The following TMPRSS4 variants were observed in gnomAD, a reference collection of about 807,000 sequenced individuals.
TMPRSS4 encodes the protein transmembrane protease serine 4.
Under a neutral mutation model 56.4 loss-of-function variants are expected in TMPRSS4, and 45 were observed. That is an observed-to-expected ratio of 0.80 (90% CI 0.63 to 1.02). The LOEUF (loss-of-function observed/expected upper bound fraction) is 1.02, where lower values mean the gene tolerates loss of function less well. TMPRSS4 is among the 50% of genes least tolerant of loss of function. The pLI, the probability that TMPRSS4 is intolerant of heterozygous loss-of-function variation, is 0.00. For synonymous variants in TMPRSS4, 205 were observed against 211.0 expected, an observed-to-expected ratio of 0.97 and a Z score of 0.25; for missense variants, 546 against 556.7, an observed-to-expected ratio of 0.98 and a Z score of 0.19.
intron 1 of TMPRSS4, among the ~76,000 whole-genome samples, chr11:118,093,205 C>T (rs1315176644): frequency 1.3e-5 from 2 of 152,184 alleles, no homozygotes; most frequent in Non-Finnish European, 2.9e-5. Context: ...CTGTGTCCAC[C>T]GTGCTTAGCC....
intron 3 of TMPRSS4, among the ~76,000 whole-genome samples, chr11:118,099,899 T>G (rs563744981): frequency 6.6e-6 from 1 of 152,194 alleles, no homozygotes; most frequent in Non-Finnish European, 1.5e-5. Flanking sequence ...CAGGCCCTTA[T>G]CTGTGATAAA....
intron 1 of TMPRSS4, among the ~76,000 whole-genome samples, chr11:118,084,715 T>C (rs905495884): frequency 6.6e-6 from 1 of 152,234 alleles, no homozygotes; most frequent in Non-Finnish European, 1.5e-5. Flanking sequence ...TCCTCTATGT[T>C]TCAAGCACCA....
chr11:118,117,756 G>C, intron 12 of TMPRSS4, 146 bp from the exon 13 acceptor site: 1 of 1,538,928 alleles, frequency 6.5e-7, no homozygotes, highest in Non-Finnish European at 8.7e-7. Context: ...GAAGAGAGTG[G>C]AAAGGCTCAT....
intron 1 of TMPRSS4, among the ~76,000 whole-genome samples, chr11:118,088,869 C>T (rs1378707090): frequency 6.6e-6 from 1 of 152,224 alleles, no homozygotes; most frequent in African/African-American, 2.4e-5. Flanking sequence ...CAGGTTAAGA[C>T]AATTCTATCC....
intron 7 of TMPRSS4, among the ~76,000 whole-genome samples, chr11:118,110,563 G>A (rs1057332319): frequency 6.6e-6 from 1 of 152,128 alleles, no homozygotes; most frequent in African/African-American, 2.4e-5. Context: ...AGTAGAGACG[G>A]CGTTTCACCA....
chr11:118,083,521 C>G (rs960506348), intron 1 of TMPRSS4, among the ~76,000 whole-genome samples: 1 of 152,158 alleles, frequency 6.6e-6, no homozygotes, highest in Non-Finnish European at 1.5e-5. Context: ...ATGACAGGCC[C>G]TCTATGAAGC....
chr11:118,093,823 C>CCA (rs901171974), intron 1 of TMPRSS4, among the ~76,000 whole-genome samples: 1 of 151,266 alleles, frequency 6.6e-6, no homozygotes, highest in African/African-American at 2.4e-5. Context: ...TAACTGCCCC[C>CCA]CCCAATGGTA....
At position 118,103,121 on chromosome 11, in the gene TMPRSS4, T is replaced by C. The variant is rs779459746; in HGVS notation, c.178T>C (p.Tyr60His). 3.1e-6 allele frequency: 5 copies of C among 1,614,178 alleles called. No homozygotes were observed. The South Asian group carries it at 5.5e-5, about 18-fold the overall frequency. The change falls in exon 4 of 13, where the codon TAC (tyrosine) becomes CAC (histidine). Residue 60 changes from tyrosine (Y) to histidine (H), a missense_variant. Tyr to His is a moderately conservative substitution (Grantham distance 83). Coordinates refer to ENST00000437212, the MANE Select transcript of TMPRSS4 (RefSeq NM_019894.4). ...TCCAGTCAAGGTGATTCTGGATAAA[T>C]ACTACTTCCTCTGCGGGCAGCCTCT... ...VVLIKVILDK[Y>H]YFLCGQPLHF...
intron 1 of TMPRSS4, among the ~76,000 whole-genome samples, chr11:118,090,988 T>C (rs974239605): frequency 6.6e-6 from 1 of 152,070 alleles, no homozygotes; most frequent in African/African-American, 2.4e-5. Flanking sequence ...AAATTAACAA[T>C]AAACAAAAGA....
At chr11:118,082,679 GACTAA>G (rs1261485347) in intron 1 of TMPRSS4, among the ~76,000 whole-genome samples, 2 of 152,064 alleles carry the variant, frequency 1.3e-5, no homozygotes, top group African/African-American at 2.4e-5. Context: ...CTTTCAAGAA[GACTAA>G]ACTAAAGTTT....
intron 3 of TMPRSS4, among the ~76,000 whole-genome samples, chr11:118,100,088 G>A (rs539014501): frequency 6.6e-6 from 1 of 152,188 alleles, no homozygotes; most frequent in Admixed American, 6.5e-5. Flanking sequence ...AGGGATTCTG[G>A]CTCTGCCTCT....
At chr11:118,097,239 G>A (rs1946453358) in intron 2 of TMPRSS4, among the ~76,000 whole-genome samples, 1 of 152,152 alleles carries the variant, frequency 6.6e-6, no homozygotes, top group Non-Finnish European at 1.5e-5. Flanking sequence ...ATTTCATGGA[G>A]GGGCGGGAGG....
chr11:118,113,089 A>G (rs1947360810), intron 8 of TMPRSS4, among the ~76,000 whole-genome samples, 180 bp from the exon 9 acceptor site: 1 of 151,772 alleles, frequency 6.6e-6, no homozygotes, highest in African/African-American at 2.4e-5. Flanking sequence ...CCTTTTTCGA[A>G]TTTGACTTCT....
At position 118,117,999 on chromosome 11, in the gene TMPRSS4, A is replaced by G; in HGVS notation, c.*86A>G. ...CCCCCAAAGTCAGACACAGAGCAAGAGTCCCCTTGGGTACACCCCTCTGCC... is the reference window on the plus strand; with the variant it reads ...CCCCCAAAGTCAGACACAGAGCAAGGGTCCCCTTGGGTACACCCCTCTGCC... On this transcript the variant is annotated 3_prime_UTR_variant, in exon 13 of 13. Coordinates refer to ENST00000437212, the MANE Select transcript of TMPRSS4 (RefSeq NM_019894.4). The G allele has an allele frequency of 6.2e-7, 1 of 1,609,290 alleles. No individual in the cohort carries two copies. The highest frequency in any genetic ancestry group is 8.5e-7 in the Non-Finnish European group (1 of 1,179,422).
At chr11:118,091,749 C>G (rs1945980987) in intron 1 of TMPRSS4, among the ~76,000 whole-genome samples, 1 of 152,276 alleles carries the variant, frequency 6.6e-6, no homozygotes, top group East Asian at 1.9e-4. Flanking sequence ...CTTGACTAGA[C>G]AAGAGTTAGA....
chr11:118,091,193 T>C (rs651474), intron 1 of TMPRSS4, among the ~76,000 whole-genome samples: 61,421 of 151,886 alleles, frequency 0.4, 12,456 homozygotes, highest in Middle Eastern at 0.5. Flanking sequence ...AGGCCTATTG[T>C]TTGTATCTTC....
intron 8 of TMPRSS4, among the ~76,000 whole-genome samples, chr11:118,112,454 A>G (rs1304556721): frequency 8.1e-6 from 1 of 123,996 alleles, no homozygotes; most frequent in Non-Finnish European, 1.6e-5. Flanking sequence ...GCGCAGCAGC[A>G]TGATCTTGGC....
At chr11:118,091,900 C>T (rs1945994928) in intron 1 of TMPRSS4, among the ~76,000 whole-genome samples, 1 of 152,062 alleles carries the variant, frequency 6.6e-6, no homozygotes, top group South Asian at 2.1e-4. Flanking sequence ...CTCTATCCAG[C>T]CCTGGTGATG....
downstream of TMPRSS4, among the ~76,000 whole-genome samples, chr11:118,124,421 CAAA>C (rs961136492): frequency 6.6e-6 from 1 of 151,832 alleles, no homozygotes; most frequent in Non-Finnish European, 1.5e-5. Context: ...AACAAACAAA[CAAA>C]AACACTTCAG....
Sources: allele counts gnomAD v4.1 joint callset (sites outside exome capture counted in the v4.1 genomes callset), GRCh38; gene constraint gnomAD v4.1.1; transcripts MANE v1.5; gene names NCBI Gene and HGNC (gene_info 2026-07-23, HGNC 2026-07-21).